POLA2: variants seen among roughly 807,000 people sequenced by gnomAD.
The protein encoded by POLA2 is DNA polymerase alpha subunit B.
Under a neutral mutation model 82.8 loss-of-function variants are expected in POLA2, and 47 were observed. That is an observed-to-expected ratio of 0.57 (90% CI 0.45 to 0.72). The LOEUF (loss-of-function observed/expected upper bound fraction) is 0.72. Ranked by LOEUF, POLA2 falls within the 30% of genes least tolerant of loss-of-function variation. The pLI is 0.00. For missense variants in POLA2, 634 were observed against 728.1 expected (o/e 0.87, Z 1.49); for synonymous variants, 287 against 286.8 (o/e 1.00, Z -0.01).
chr11:65,284,527 TTTTTC>T (rs1949674944), intron 10 of POLA2, among the ~76,000 whole-genome samples: 1 of 151,246 alleles, frequency 6.6e-6, no homozygotes, highest in South Asian at 2.1e-4. Flanking sequence ...CATTGTTTTT[TTTTTC>T]TTTTTTTTTT....
chr11:65,284,270 A>G (rs1420892866), intron 10 of POLA2, among the ~76,000 whole-genome samples: 1 of 152,058 alleles, frequency 6.6e-6, no homozygotes, highest in Admixed American at 6.6e-5. Context: ...AGCCCAGTTT[A>G]AGTTTAGCCT....
chr11:65,281,276 C>T, intron 8 of POLA2, 129 bp downstream of exon 8: 2 of 943,606 alleles, frequency 2.1e-6, no homozygotes, highest in Non-Finnish European at 3.2e-6. Flanking sequence ...AGCACATGCC[C>T]CAGAGCAGAC....
intron 11 of POLA2, among the ~76,000 whole-genome samples, chr11:65,288,529 T>G (rs1411395620): frequency 7.4e-5 from 11 of 148,570 alleles, no homozygotes; most frequent in African/African-American, 1.7e-4. Context: ...TTTTTTTTTT[T>G]GGGACAGAGT....
chr11:65,276,198 A>T (rs898469389), intron 5 of POLA2, among the ~76,000 whole-genome samples, 200 bp downstream of exon 5: 1 of 152,152 alleles, frequency 6.6e-6, no homozygotes, highest in Non-Finnish European at 1.5e-5. Flanking sequence ...TTCTTACGGT[A>T]ATTAAGGAAA....
At chr11:65,271,126 A>G (rs1949516567) in intron 4 of POLA2, among the ~76,000 whole-genome samples, 1 of 152,110 alleles carries the variant, frequency 6.6e-6, no homozygotes, top group Non-Finnish European at 1.5e-5. Flanking sequence ...TATTACCACC[A>G]AACATGTTAT....
At chr11:65,283,331 G>A (rs1949660860) in intron 10 of POLA2, among the ~76,000 whole-genome samples, 1 of 152,082 alleles carries the variant, frequency 6.6e-6, no homozygotes, top group East Asian at 1.9e-4. Context: ...CAGCATTAAT[G>A]CCTTAATTTT....
intron 7 of POLA2, 169 bp from the exon 8 acceptor site, chr11:65,280,823 A>G: frequency 1.6e-6 from 1 of 619,996 alleles, no homozygotes; most frequent in South Asian, 2.0e-5. Context: ...GAGTTCTTCC[A>G]TCCTGAGAGT....
chr11:65,264,859 T>C (rs1192991092), intron 1 of POLA2, among the ~76,000 whole-genome samples: 1 of 152,240 alleles, frequency 6.6e-6, no homozygotes, highest in Non-Finnish European at 1.5e-5. Flanking sequence ...TATAGAAATG[T>C]GCTTCCAATC....
chr11:65,287,680 T>C (rs1218623857), intron 10 of POLA2, 36 bp from the exon 11 acceptor site: 1 of 1,587,984 alleles, frequency 6.3e-7, no homozygotes, highest in Admixed American at 1.7e-5. Flanking sequence ...CTAATACTAG[T>C]CCTCTTCTAA....
At chr11:65,267,605 C>T (rs769957281) in intron 3 of POLA2, 37 bp downstream of exon 3, 26 of 1,288,048 alleles carry the variant, frequency 2.0e-5, no homozygotes, top group Non-Finnish European at 2.9e-5. Flanking sequence ...CACCAAGCTA[C>T]ATGTTGTATT....
At chr11:65,265,448 A>G (rs73484944) in intron 1 of POLA2, among the ~76,000 whole-genome samples, 4,824 of 151,602 alleles carry the variant, frequency 0.032, 242 homozygotes, top group African/African-American at 0.11. Context: ...TTTTAAACAC[A>G]TTTTTCTTTT....
intron 14 of POLA2, 71 bp from the exon 15 acceptor site, chr11:65,294,475 C>G (rs1406584625): frequency 1.5e-6 from 2 of 1,358,900 alleles, no homozygotes; most frequent in Non-Finnish European, 2.1e-6. Flanking sequence ...CCTCAGACAA[C>G]CCCCACTTTC....
intron 5 of POLA2, 138 bp from the exon 6 acceptor site, chr11:65,278,592 C>T (rs1350617230): frequency 4.2e-6 from 3 of 713,296 alleles, no homozygotes; most frequent in East Asian, 5.0e-5. Flanking sequence ...TGTCCAACCC[C>T]ATTAAACTGA....
chr11:65,284,970 A>C (rs926210770), intron 10 of POLA2, among the ~76,000 whole-genome samples: 1 of 152,196 alleles, frequency 6.6e-6, no homozygotes, highest in South Asian at 2.1e-4. Context: ...AGTGAAATTT[A>C]GGACCTTGTG....
chr11:65,299,217 C>T (rs1220219240), downstream of POLA2, among the ~76,000 whole-genome samples: 1 of 152,240 alleles, frequency 6.6e-6, no homozygotes, highest in Non-Finnish European at 1.5e-5. Context: ...GCCTCAGCCC[C>T]CTTTGGTGGC....
chr11:65,265,263 A>G (rs887268060), intron 1 of POLA2, among the ~76,000 whole-genome samples: 4 of 151,800 alleles, frequency 2.6e-5, no homozygotes, highest in Non-Finnish European at 4.4e-5. Flanking sequence ...CCATCTTTAA[A>G]TATTTCCTCC....
At chr11:65,287,345 A>C (rs1246656119) in intron 10 of POLA2, among the ~76,000 whole-genome samples, 2 of 152,030 alleles carry the variant, frequency 1.3e-5, no homozygotes, top group East Asian at 3.9e-4. Context: ...CACTGAGCAC[A>C]CTCAGGTCTC....
chr11:65,294,432 T>C (rs967395527), intron 14 of POLA2, 114 bp from the exon 15 acceptor site: 8 of 1,000,314 alleles, frequency 8.0e-6, no homozygotes, highest in Admixed American at 2.0e-5. Context: ...TGATGTATGT[T>C]GGTTTGGTCC....
chr11:65,290,071 A>G (rs1164421791), intron 13 of POLA2, among the ~76,000 whole-genome samples, 199 bp downstream of exon 13: 4 of 151,860 alleles, frequency 2.6e-5, no homozygotes, highest in African/African-American at 9.7e-5. Flanking sequence ...CAATATGGTA[A>G]AACTCTGTCT....
Sources: gnomAD v4.1 joint callset for allele counts (sites outside exome capture counted in the v4.1 genomes callset) on GRCh38, gnomAD v4.1.1 for gene constraint, MANE v1.5 for transcripts, NCBI Gene and HGNC (gene_info 2026-07-23, HGNC 2026-07-21) for gene names.